RGS6: variants seen among roughly 807,000 people sequenced by gnomAD.
The protein encoded by RGS6 is regulator of G protein signaling 6, also known as regulator of G-protein signaling 6.
A neutral mutation model predicts 78.5 loss-of-function variants in RGS6; 30 were observed. That is an observed-to-expected ratio of 0.38 (90% CI 0.29 to 0.52). RGS6 has a LOEUF of 0.52. Ranked by LOEUF, RGS6 falls within the 20% of genes least tolerant of loss-of-function variation. RGS6 has a pLI of 0.85. For synonymous variants in RGS6, 206 were observed against 206.0 expected, an observed-to-expected ratio of 1.00 and a Z score of 0.00; for missense variants, 495 against 609.7, an observed-to-expected ratio of 0.81 and a Z score of 1.98.
the RGS6 span, among the ~76,000 whole-genome samples, chr14:72,587,580 A>C: frequency 6.6e-6 from 1 of 152,140 alleles, no homozygotes; most frequent in East Asian, 1.9e-4. Context: ...CCCACTTACA[A>C]GGAGGCCTGA....
At chr14:72,225,450 G>C (rs1489622350) in intron 2 of RGS6, among the ~76,000 whole-genome samples, 1 of 151,934 alleles carries the variant, frequency 6.6e-6, no homozygotes, top group East Asian at 1.9e-4. Context: ...CAGCCTCCTG[G>C]GTAACTGGGG....
chr14:72,475,828 A>ACGCG (rs199709335), intron 10 of RGS6, among the ~76,000 whole-genome samples: 1 of 140,160 alleles, frequency 7.1e-6, no homozygotes, highest in African/African-American at 2.7e-5. Context: ...AAAAAAATAC[A>ACGCG]CGCACACACA....
At chr14:72,514,528 TCGCCC>T (rs2096917078) in intron 14 of RGS6, among the ~76,000 whole-genome samples, 1 of 152,226 alleles carries the variant, frequency 6.6e-6, no homozygotes, top group Non-Finnish European at 1.5e-5. Context: ...CTCCACTGCT[TCGCCC>T]CAGTGGTATC....
At chr14:72,298,462 C>CAA (rs1567695528) in intron 2 of RGS6, among the ~76,000 whole-genome samples, 7 of 115,716 alleles carry the variant, frequency 6.0e-5, no homozygotes, top group Non-Finnish European at 1.2e-4. Flanking sequence ...TTTTCCCCCC[C>CAA]TCTGAGACAG....
chr14:72,434,061 C>G (rs564332584), intron 3 of RGS6, among the ~76,000 whole-genome samples: 6 of 152,230 alleles, frequency 3.9e-5, no homozygotes, highest in Non-Finnish European at 8.8e-5. Context: ...CAAGGCTGGG[C>G]ACAGTGACTG....
chr14:72,158,826 T>G (rs2096810323), intron 2 of RGS6, among the ~76,000 whole-genome samples: 1 of 150,682 alleles, frequency 6.6e-6, no homozygotes, highest in Admixed American at 6.6e-5. Flanking sequence ...ATTTAGAATA[T>G]CCGGTATAAC....
chr14:72,341,701 T>G (rs1036007758), intron 2 of RGS6, among the ~76,000 whole-genome samples: 1 of 152,196 alleles, frequency 6.6e-6, no homozygotes, highest in Non-Finnish European at 1.5e-5. Context: ...AGTAGGGAAT[T>G]TGGCATTTAT....
chr14:72,313,071 G>T (rs2152470660), intron 2 of RGS6, among the ~76,000 whole-genome samples: 1 of 152,324 alleles, frequency 6.6e-6, no homozygotes, highest in South Asian at 2.1e-4. Context: ...TTCTAGCTCT[G>T]CCCCTTACTA....
At chr14:72,432,101 G>A (rs1179553372) in intron 3 of RGS6, among the ~76,000 whole-genome samples, 2 of 152,214 alleles carry the variant, frequency 1.3e-5, no homozygotes, top group Non-Finnish European at 2.9e-5. Flanking sequence ...CCATCTCTGG[G>A]TGCAGCCAGG....
At chr14:71,943,306 A>G (rs145463706) in intron 1 of RGS6, among the ~76,000 whole-genome samples, 1 of 152,296 alleles carries the variant, frequency 6.6e-6, no homozygotes, top group East Asian at 1.9e-4. Context: ...ATGTGTGACC[A>G]TGAGAATAGA....
chr14:72,337,486 C>T (rs1295758624), intron 2 of RGS6, among the ~76,000 whole-genome samples: 3 of 151,848 alleles, frequency 2.0e-5, no homozygotes, highest in Admixed American at 1.3e-4. Flanking sequence ...TACTTACAAC[C>T]TTGCCCTCTC....
intron 2 of RGS6, among the ~76,000 whole-genome samples, chr14:72,217,019 A>G (rs2045743984): frequency 6.6e-6 from 1 of 152,216 alleles, no homozygotes; most frequent in Non-Finnish European, 1.5e-5. Context: ...TTCATTTTAT[A>G]GTGGTAGCTC....
chr14:72,265,836 G>T (rs1032886991), intron 2 of RGS6, among the ~76,000 whole-genome samples: 4 of 151,488 alleles, frequency 2.6e-5, no homozygotes, highest in Non-Finnish European at 5.9e-5. Flanking sequence ...TCCCTTTTCT[G>T]CTCCCTCAGC....
At chr14:72,397,166 C>T (rs555135494) in intron 3 of RGS6, among the ~76,000 whole-genome samples, 13 of 152,118 alleles carry the variant, frequency 8.5e-5, no homozygotes, top group African/African-American at 2.2e-4. Flanking sequence ...TTCACGATAT[C>T]GATTCTTCCT....
intron 2 of RGS6, among the ~76,000 whole-genome samples, chr14:72,182,308 T>C (rs1015105636): frequency 2.0e-5 from 3 of 150,760 alleles, no homozygotes; most frequent in African/African-American, 7.3e-5. Context: ...TACTCAGTGG[T>C]ACATGCCTGT....
intron 13 of RGS6, among the ~76,000 whole-genome samples, chr14:72,497,893 C>A (rs972877212): frequency 6.6e-6 from 1 of 151,736 alleles, no homozygotes; most frequent in African/African-American, 2.4e-5. Flanking sequence ...TCAGGAAATC[C>A]TTTTTTAAGA....
the RGS6 span, among the ~76,000 whole-genome samples, chr14:72,618,821 C>G: frequency 6.6e-6 from 1 of 152,226 alleles, no homozygotes; most frequent in Non-Finnish European, 1.5e-5. Flanking sequence ...TAAACGACAA[C>G]TTCTCCACAG....
the RGS6 span, among the ~76,000 whole-genome samples, chr14:71,911,416 T>C: frequency 2.0e-5 from 3 of 152,238 alleles, no homozygotes; most frequent in Admixed American, 6.5e-5. Context: ...ACACAAGTAT[T>C]CTGTTTTTCA....
At chr14:72,457,084 T>TAAAAAAAAAAAAAAA (rs747066432) in intron 4 of RGS6, among the ~76,000 whole-genome samples, 2 of 82,128 alleles carry the variant, frequency 2.4e-5, no homozygotes, top group African/African-American at 5.1e-5. Context: ...GACCTGTCTC[T>TAAAAAAAAAAAAAAA]AAAAAAAAAA....
Sources: allele counts gnomAD v4.1 joint callset (sites outside exome capture counted in the v4.1 genomes callset), GRCh38; gene constraint gnomAD v4.1.1; transcripts MANE v1.5; gene names NCBI Gene and HGNC (gene_info 2026-07-23, HGNC 2026-07-21).